The following ASTN1 variants were observed in gnomAD, a reference collection of about 807,000 sequenced individuals.
The protein encoded by ASTN1 is astrotactin 1, also known as astrotactin-1.
In ASTN1, 41 loss-of-function variants were observed where a neutral mutation model predicts 140.7. The ratio of observed to expected loss-of-function variants is 0.29; its 90% CI spans 0.23 to 0.38. ASTN1 has a LOEUF of 0.38. Among genes scored for constraint, ASTN1 ranks in the 10% least tolerant of loss-of-function variants. The pLI, the probability that ASTN1 is intolerant of heterozygous loss-of-function variation, is 1.00. For synonymous variants in ASTN1, 640 were observed against 652.2 expected, an observed-to-expected ratio of 0.98 and a Z score of 0.29; for missense variants, 1,479 against 1,678.8, an observed-to-expected ratio of 0.88 and a Z score of 2.08.
At chr1:176,992,277 C>T (rs1181590307) in intron 8 of ASTN1, among the ~76,000 whole-genome samples, 1 of 152,152 alleles carries the variant, frequency 6.6e-6, no homozygotes, top group African/African-American at 2.4e-5. Context: ...ATTTCCCTGG[C>T]ATCCAACACA....
chr1:177,020,101 T>C (rs1675750257), intron 7 of ASTN1, among the ~76,000 whole-genome samples: 1 of 152,180 alleles, frequency 6.6e-6, no homozygotes, highest in Admixed American at 6.5e-5. Flanking sequence ...TTGTCCAGGC[T>C]GATCTTGAAT....
At chr1:177,014,954 G>C in intron 7 of ASTN1, 79 bp from the exon 8 acceptor site, 3 of 1,326,336 alleles carry the variant, frequency 2.3e-6, no homozygotes, top group Non-Finnish European at 3.2e-6. Flanking sequence ...AAATTAACAT[G>C]AAATAGTCAG....
chr1:177,121,073 G>A (rs1244480634), intron 1 of ASTN1, among the ~76,000 whole-genome samples: 1 of 142,768 alleles, frequency 7.0e-6, no homozygotes, highest in Non-Finnish European at 1.5e-5. Flanking sequence ...TGCTATTGCT[G>A]CTGGTGATAC....
At chr1:177,055,555 T>C (rs191325356) in intron 2 of ASTN1, among the ~76,000 whole-genome samples, 2 of 152,358 alleles carry the variant, frequency 1.3e-5, no homozygotes, top group Admixed American at 6.5e-5. Flanking sequence ...TACACAGTGA[T>C]GGCCCTGGCA....
chr1:177,078,299 G>A (rs906512836), intron 1 of ASTN1, among the ~76,000 whole-genome samples: 1 of 152,106 alleles, frequency 6.6e-6, no homozygotes, highest in Non-Finnish European at 1.5e-5. Context: ...TCATCCCTGT[G>A]GGGTCACTGC....
intron 2 of ASTN1, among the ~76,000 whole-genome samples, chr1:177,049,258 G>A (rs1677410694): frequency 1.3e-5 from 2 of 152,030 alleles, no homozygotes; most frequent in Non-Finnish European, 2.9e-5. Context: ...TCCTGGTATG[G>A]GTGTGCCAAT....
At chr1:176,871,228 A>T (rs1211272592) in intron 21 of ASTN1, among the ~76,000 whole-genome samples, 3 of 152,106 alleles carry the variant, frequency 2.0e-5, no homozygotes, top group Non-Finnish European at 4.4e-5. Context: ...TGAGACAAGA[A>T]GAGGCCAAGG....
chr1:177,024,211 A>T (rs925928288), intron 6 of ASTN1, among the ~76,000 whole-genome samples: 4 of 152,210 alleles, frequency 2.6e-5, no homozygotes, highest in African/African-American at 9.7e-5. Context: ...AAACCAAAGC[A>T]TGGCTAATTC....
intron 1 of ASTN1, among the ~76,000 whole-genome samples, chr1:177,103,976 G>C (rs1680422395): frequency 6.6e-6 from 1 of 152,118 alleles, no homozygotes; most frequent in Non-Finnish European, 1.5e-5. Context: ...CCAAACCATG[G>C]TGCTGCTTGG....
chr1:177,059,623 C>A (rs1425859992), intron 2 of ASTN1, among the ~76,000 whole-genome samples: 1 of 152,152 alleles, frequency 6.6e-6, no homozygotes, highest in Non-Finnish European at 1.5e-5. Context: ...GGTAACCTAT[C>A]AAGCCAGTTT....
At chr1:177,026,837 A>G (rs1476973891) in intron 5 of ASTN1, among the ~76,000 whole-genome samples, 1 of 152,150 alleles carries the variant, frequency 6.6e-6, no homozygotes, top group South Asian at 2.1e-4. Context: ...AGCAGAAGCC[A>G]TCCACCTGTT....
chr1:177,128,450 C>T (rs1681779143), intron 1 of ASTN1, among the ~76,000 whole-genome samples: 1 of 152,156 alleles, frequency 6.6e-6, no homozygotes, highest in Admixed American at 6.5e-5. Context: ...ATATTTCTTT[C>T]AAAAGTCAAA....
intron 16 of ASTN1, among the ~76,000 whole-genome samples, chr1:176,913,308 T>C (rs1051611827): frequency 1.3e-5 from 2 of 152,224 alleles, no homozygotes; most frequent in Non-Finnish European, 2.9e-5. Flanking sequence ...AAATGTCCTT[T>C]ATACTGTCTG....
intron 1 of ASTN1, among the ~76,000 whole-genome samples, chr1:177,160,341 C>A (rs1410918420): frequency 2.6e-5 from 4 of 152,228 alleles, no homozygotes; most frequent in African/African-American, 9.6e-5. Flanking sequence ...TTAACCGCCA[C>A]ACTTGCCTGC....
At chr1:176,959,317 C>A (rs1170717736) in intron 9 of ASTN1, among the ~76,000 whole-genome samples, 1 of 152,114 alleles carries the variant, frequency 6.6e-6, no homozygotes, top group African/African-American at 2.4e-5. Flanking sequence ...AGTCTGGCAT[C>A]CCCTCCCCAC....
chr1:176,881,269 T>C (rs562265463), intron 20 of ASTN1, among the ~76,000 whole-genome samples: 16 of 152,252 alleles, frequency 1.1e-4, no homozygotes, highest in African/African-American at 3.4e-4. Context: ...TTTTATAAGA[T>C]GTAGGAGGGA....
At chr1:176,935,423 A>C (rs1198741799) in intron 15 of ASTN1, among the ~76,000 whole-genome samples, 2 of 152,224 alleles carry the variant, frequency 1.3e-5, no homozygotes, top group Non-Finnish European at 2.9e-5. Context: ...GTGCTGCACC[A>C]GAAGAGTTTC....
intron 2 of ASTN1, among the ~76,000 whole-genome samples, chr1:177,038,219 C>A (rs1676816922): frequency 6.6e-6 from 1 of 152,232 alleles, no homozygotes; most frequent in Non-Finnish European, 1.5e-5. Context: ...AGTGACACGA[C>A]TTCAGCTAAC....
chr1:177,150,674 G>A (rs1207681733), intron 1 of ASTN1, among the ~76,000 whole-genome samples: 4 of 152,132 alleles, frequency 2.6e-5, no homozygotes, highest in Admixed American at 2.0e-4. Flanking sequence ...GGGATGAGAA[G>A]GGTGTGACCC....
Sources: gnomAD v4.1 joint callset for allele counts (sites outside exome capture counted in the v4.1 genomes callset) on GRCh38, gnomAD v4.1.1 for gene constraint, MANE v1.5 for transcripts, NCBI Gene and HGNC (gene_info 2026-07-23, HGNC 2026-07-21) for gene names.